The following TMEM163 variants were observed in gnomAD, a reference collection of about 807,000 sequenced individuals.
The protein encoded by TMEM163 is transmembrane protein 163.
In TMEM163, 17 loss-of-function variants were observed where a neutral mutation model predicts 29.3. That is an observed-to-expected ratio of 0.58 (90% CI 0.40 to 0.87). The LOEUF (loss-of-function observed/expected upper bound fraction) is 0.87, where lower values mean the gene tolerates loss of function less well. TMEM163 is among the 40% of genes least tolerant of loss of function. The pLI is 0.00. For synonymous variants in TMEM163, 157 were observed against 160.6 expected, an observed-to-expected ratio of 0.98 and a Z score of 0.17; for missense variants, 303 against 381.5, an observed-to-expected ratio of 0.79 and a Z score of 1.71.
intron 2 of TMEM163, among the ~76,000 whole-genome samples, chr2:134,638,021 A>G (rs1683142948): frequency 6.6e-6 from 1 of 152,254 alleles, no homozygotes; most frequent in Non-Finnish European, 1.5e-5. Context: ...AAACAGGGTT[A>G]AGTAATCTTC....
chr2:134,675,779 A>G (rs943409462), intron 2 of TMEM163, among the ~76,000 whole-genome samples: 1 of 152,222 alleles, frequency 6.6e-6, no homozygotes, highest in Non-Finnish European at 1.5e-5. Flanking sequence ...CCCAGGATTT[A>G]GGAATCAAAT....
chr2:134,482,746 AGTTACCGTGGATTCACATTCAATG>A (rs1433808686), intron 5 of TMEM163, among the ~76,000 whole-genome samples: 4 of 152,158 alleles, frequency 2.6e-5, no homozygotes. Flanking sequence ...TATATTGACA[AGTTACCGTGGATTCACATTCAATG>A]GCTTTACAAT....
At chr2:134,692,978 G>A (rs959590299) in intron 2 of TMEM163, among the ~76,000 whole-genome samples, 6 of 152,052 alleles carry the variant, frequency 3.9e-5, no homozygotes, top group African/African-American at 1.4e-4. Flanking sequence ...CCTCAGTCAC[G>A]TTCCAGTTGC....
intron 5 of TMEM163, among the ~76,000 whole-genome samples, chr2:134,493,619 G>A (rs1373134690): frequency 7.9e-5 from 12 of 152,042 alleles, no homozygotes; most frequent in Admixed American, 7.2e-4. Context: ...CGATCTGCCC[G>A]CCTCGGCCTC....
At chr2:134,613,839 TAATA>T (rs1380606643) in intron 2 of TMEM163, among the ~76,000 whole-genome samples, 1 of 152,142 alleles carries the variant, frequency 6.6e-6, no homozygotes, top group African/African-American at 2.4e-5. Context: ...TAAAAAGCCC[TAATA>T]AATAACAAAA....
chr2:134,510,213 G>A (rs60103611), intron 4 of TMEM163, among the ~76,000 whole-genome samples: 7,410 of 152,254 alleles, frequency 0.049, 614 homozygotes, highest in African/African-American at 0.17. Context: ...CATGATGGCA[G>A]AGATATTGTT....
chr2:134,624,548 C>T (rs1682807812), intron 2 of TMEM163, among the ~76,000 whole-genome samples: 1 of 152,054 alleles, frequency 6.6e-6, no homozygotes, highest in Non-Finnish European at 1.5e-5. Flanking sequence ...CAACAAACCC[C>T]CATGACATAG....
intron 2 of TMEM163, among the ~76,000 whole-genome samples, chr2:134,639,780 A>G (rs1051006141): frequency 1.3e-5 from 2 of 152,218 alleles, no homozygotes; most frequent in African/African-American, 2.4e-5. Context: ...CACCGTTGAC[A>G]ATGAAATTAA....
intron 4 of TMEM163, among the ~76,000 whole-genome samples, chr2:134,503,779 G>T (rs563640979): frequency 2.0e-4 from 30 of 152,242 alleles, no homozygotes; most frequent in African/African-American, 6.3e-4. Flanking sequence ...CACACAGCTG[G>T]GGGTGTGGCA....
intron 2 of TMEM163, among the ~76,000 whole-genome samples, chr2:134,617,810 G>A (rs939248758): frequency 1.3e-5 from 2 of 152,030 alleles, no homozygotes; most frequent in African/African-American, 4.8e-5. Context: ...TGGTCAGACT[G>A]GATTTAAAAA....
chr2:134,468,463 A>C (rs1401052238), intron 5 of TMEM163: 1 of 152,192 alleles, frequency 6.6e-6, no homozygotes, highest in Non-Finnish European at 1.5e-5. Flanking sequence ...TTTTGTTATA[A>C]CAGCTAGAAC....
chr2:134,587,517 C>A (rs1681849047), intron 2 of TMEM163, among the ~76,000 whole-genome samples: 1 of 152,206 alleles, frequency 6.6e-6, no homozygotes, highest in African/African-American at 2.4e-5. Context: ...CAAGGCCAGC[C>A]TTTGTGCCTG....
chr2:134,462,854 G>A (rs1161954255), intron 6 of TMEM163, among the ~76,000 whole-genome samples: 1 of 152,218 alleles, frequency 6.6e-6, no homozygotes, highest in East Asian at 1.9e-4. Context: ...TCATGGGCAG[G>A]GTGGGGCCAG....
intron 4 of TMEM163, among the ~76,000 whole-genome samples, chr2:134,529,995 GC>G (rs1422484281): frequency 1.3e-5 from 2 of 152,110 alleles, no homozygotes; most frequent in Non-Finnish European, 2.9e-5. Flanking sequence ...ATCAGTGCCT[GC>G]CAAGGCCACT....
At chr2:134,649,913 G>C (rs1269435618) in intron 2 of TMEM163, among the ~76,000 whole-genome samples, 1 of 151,388 alleles carries the variant, frequency 6.6e-6, no homozygotes, top group Admixed American at 6.6e-5. Flanking sequence ...GGCTGAAGTG[G>C]GGGTTCTCTT....
chr2:134,511,923 AAG>A (rs1217614637), intron 4 of TMEM163, among the ~76,000 whole-genome samples: 1 of 152,224 alleles, frequency 6.6e-6, no homozygotes, highest in East Asian at 1.9e-4. Context: ...CAGATACCCA[AAG>A]AGAGTGAACA....
At chr2:134,524,243 A>G (rs1280398398) in intron 4 of TMEM163, among the ~76,000 whole-genome samples, 1 of 152,176 alleles carries the variant, frequency 6.6e-6, no homozygotes. Flanking sequence ...AGAATTACCC[A>G]GGTGGCTTAA....
At chr2:134,711,130 T>C (rs1436674211) in intron 2 of TMEM163, among the ~76,000 whole-genome samples, 2 of 152,246 alleles carry the variant, frequency 1.3e-5, no homozygotes, top group Non-Finnish European at 2.9e-5. Context: ...TTAATCTCTA[T>C]TTATTTCCAT....
intron 2 of TMEM163, among the ~76,000 whole-genome samples, chr2:134,682,241 A>G (rs977346972): frequency 6.6e-6 from 1 of 152,174 alleles, no homozygotes; most frequent in East Asian, 1.9e-4. Flanking sequence ...CTCTTGCAGA[A>G]CCCAGGTTGA....
Sources: allele counts gnomAD v4.1 joint callset (sites outside exome capture counted in the v4.1 genomes callset), GRCh38; gene constraint gnomAD v4.1.1; transcripts MANE v1.5; gene names NCBI Gene and HGNC (gene_info 2026-07-23, HGNC 2026-07-21).